CNTN5: variants seen among roughly 807,000 people sequenced by gnomAD.
CNTN5 encodes the protein contactin-5.
A neutral mutation model predicts 129.1 loss-of-function variants in CNTN5; 77 were observed. That is an observed-to-expected ratio of 0.60 (90% confidence interval 0.50 to 0.72). The LOEUF (loss-of-function observed/expected upper bound fraction) is 0.72. CNTN5 is among the 30% of genes least tolerant of loss of function. The probability of loss-of-function intolerance (pLI) is 0.00; values close to 1 mark genes in which losing one functional copy is unlikely to be tolerated. For missense variants in CNTN5, 1,478 were observed against 1,328.8 expected, an observed-to-expected ratio of 1.11 and a Z score of -1.75; for synonymous variants, 509 against 465.6, an observed-to-expected ratio of 1.09 and a Z score of -1.20.
intron 3 of CNTN5, among the ~76,000 whole-genome samples, chr11:99,694,830 C>A (rs1954199105): frequency 6.6e-6 from 1 of 152,004 alleles, no homozygotes; most frequent in African/African-American, 2.4e-5. Flanking sequence ...TGTTAAACAC[C>A]AGACTAGATG....
intron 15 of CNTN5, among the ~76,000 whole-genome samples, chr11:100,205,344 T>C (rs563292275): frequency 2.3e-4 from 35 of 152,186 alleles, no homozygotes; most frequent in African/African-American, 7.5e-4. Context: ...TTTATCATAT[T>C]ACAGCACAAA....
intron 18 of CNTN5, among the ~76,000 whole-genome samples, chr11:100,296,109 T>A (rs919699394): frequency 1.3e-5 from 2 of 151,490 alleles, no homozygotes; most frequent in African/African-American, 4.8e-5. Context: ...TCCTTTTACA[T>A]ATACAGTTAA....
intron 2 of CNTN5, among the ~76,000 whole-genome samples, chr11:99,489,218 A>G (rs545301903): frequency 3.2e-4 from 48 of 152,286 alleles, no homozygotes; most frequent in African/African-American, 1.1e-3. Flanking sequence ...TCAACTTGCT[A>G]AATTACAGGT....
At chr11:99,719,173 G>T (rs915079798) in intron 3 of CNTN5, among the ~76,000 whole-genome samples, 11 of 151,934 alleles carry the variant, frequency 7.2e-5, no homozygotes, top group African/African-American at 2.7e-4. Flanking sequence ...ACAAAAATTA[G>T]CTGGGTGTGG....
At chr11:99,338,959 ATGTGTGTGTTTGTGTGTGTGTG>A (rs1866381563) in intron 2 of CNTN5, among the ~76,000 whole-genome samples, 2 of 118,108 alleles carry the variant, frequency 1.7e-5, no homozygotes, top group Non-Finnish European at 1.9e-5. Flanking sequence ...TGTGATATAT[ATGTGTGTGTTTGTGTGTGTGTG>A]TATATATATA....
intron 3 of CNTN5, among the ~76,000 whole-genome samples, chr11:99,562,322 T>C (rs1024108185): frequency 6.6e-6 from 1 of 152,166 alleles, no homozygotes; most frequent in Non-Finnish European, 1.5e-5. Context: ...AGATCTGCTC[T>C]AGACATTTAC....
intron 1 of CNTN5, among the ~76,000 whole-genome samples, chr11:99,316,510 A>G (rs1177272972): frequency 6.6e-6 from 1 of 152,148 alleles, no homozygotes; most frequent in East Asian, 1.9e-4. Context: ...AGTGATGAAA[A>G]TAAACATTTA....
intron 1 of CNTN5, among the ~76,000 whole-genome samples, chr11:99,308,375 G>A (rs1026659124): frequency 6.6e-5 from 10 of 152,152 alleles, no homozygotes; most frequent in Admixed American, 2.0e-4. Context: ...GCTAAGAAGT[G>A]AAGGGCTAAC....
At chr11:99,964,457 C>T (rs576739330) in intron 8 of CNTN5, among the ~76,000 whole-genome samples, 12 of 152,216 alleles carry the variant, frequency 7.9e-5, no homozygotes, top group Admixed American at 2.0e-4. Context: ...TGCTGGATTA[C>T]ATTTATTGAT....
intron 1 of CNTN5, among the ~76,000 whole-genome samples, chr11:99,227,101 C>T (rs1860727933): frequency 6.6e-6 from 1 of 152,086 alleles, no homozygotes; most frequent in South Asian, 2.1e-4. Flanking sequence ...TGGCTCCTGC[C>T]TATAATCCCA....
rs1215620663 is a variant in CNTN5, at chr11:100,074,180, AAAC to A, written c.1469_1471del (p.Thr490del). 1.2e-6 allele frequency: 2 copies of A among 1,612,638 alleles called. No homozygotes were observed. Among genetic ancestry groups the A allele is most frequent in the African/African-American group, 2.7e-5 (2 of 74,900 alleles). ...ACTTTTGCACTGAATCAACTGAAGA[AAAC>A]AATAATTGTTACCAAAGACCAAGAA... On this transcript the variant is annotated inframe_deletion, in exon 13 of 25. Coordinates refer to ENST00000524871, the MANE Select transcript of CNTN5 (RefSeq NM_014361.4).
chr11:99,372,032 A>G (rs960655685), intron 2 of CNTN5, among the ~76,000 whole-genome samples: 15 of 152,236 alleles, frequency 9.9e-5, no homozygotes, highest in Non-Finnish European at 1.0e-4. Context: ...GAGAATCCAC[A>G]TAAGGTAGAC....
At chr11:100,082,812 CT>C (rs1944412795) in intron 13 of CNTN5, among the ~76,000 whole-genome samples, 1 of 152,084 alleles carries the variant, frequency 6.6e-6, no homozygotes, top group Non-Finnish European at 1.5e-5. Flanking sequence ...TTCAACGCCA[CT>C]TTATGCATTT....
intron 16 of CNTN5, among the ~76,000 whole-genome samples, chr11:100,248,702 A>G (rs1949898990): frequency 6.6e-6 from 1 of 152,210 alleles, no homozygotes; most frequent in South Asian, 2.1e-4. Context: ...ATATGATGTT[A>G]TCTATGTGAG....
At chr11:100,137,992 G>A (rs1177472339) in intron 13 of CNTN5, among the ~76,000 whole-genome samples, 1 of 151,962 alleles carries the variant, frequency 6.6e-6, no homozygotes, top group East Asian at 1.9e-4. Context: ...ATAAAAAACT[G>A]ACTTGAGAGA....
intron 3 of CNTN5, among the ~76,000 whole-genome samples, chr11:99,667,609 G>C (rs1030466406): frequency 6.6e-5 from 10 of 152,252 alleles, no homozygotes; most frequent in African/African-American, 2.4e-4. Flanking sequence ...GTAATACCAT[G>C]CACTCATAAA....
At chr11:99,810,289 C>CGTA (rs1030341668) in intron 3 of CNTN5, among the ~76,000 whole-genome samples, 3 of 152,098 alleles carry the variant, frequency 2.0e-5, no homozygotes, top group Non-Finnish European at 2.9e-5. Context: ...TACAGCATAC[C>CGTA]TGAGTATCAG....
chr11:100,219,475 T>C (rs1278769608), intron 15 of CNTN5, among the ~76,000 whole-genome samples: 1 of 152,200 alleles, frequency 6.6e-6, no homozygotes, highest in East Asian at 1.9e-4. Flanking sequence ...ACTAGATTAA[T>C]ACAGAAATGC....
At chr11:99,849,561 A>G (rs1348717735) in intron 6 of CNTN5, among the ~76,000 whole-genome samples, 1 of 152,108 alleles carries the variant, frequency 6.6e-6, no homozygotes, top group Non-Finnish European at 1.5e-5. Context: ...ACTAAAATCT[A>G]GGTGCTGCAG....
Sources: allele counts gnomAD v4.1 joint callset (sites outside exome capture counted in the v4.1 genomes callset), GRCh38; gene constraint gnomAD v4.1.1; transcripts MANE v1.5; gene names NCBI Gene and HGNC (gene_info 2026-07-23, HGNC 2026-07-21).